The following RABGAP1L variants were observed in gnomAD, a reference collection of about 807,000 sequenced individuals.
RABGAP1L encodes RAB GTPase activating protein 1 like.
In RABGAP1L, 63 loss-of-function variants were observed where a neutral mutation model predicts 137.7. That is an observed-to-expected ratio of 0.46 (90% CI 0.37 to 0.56). The LOEUF (loss-of-function observed/expected upper bound fraction) is 0.56. RABGAP1L is among the 20% of genes least tolerant of loss of function. The pLI is 0.00. For missense variants in RABGAP1L, 1,095 were observed against 1,244.0 expected, an observed-to-expected ratio of 0.88 and a Z score of 1.80; for synonymous variants, 431 against 433.7, an observed-to-expected ratio of 0.99 and a Z score of 0.08.
intron 3 of RABGAP1L, among the ~76,000 whole-genome samples, chr1:174,222,965 G>C (rs967501312): frequency 6.6e-6 from 1 of 151,750 alleles, no homozygotes; most frequent in African/African-American, 2.4e-5. Context: ...GCAAAACCCC[G>C]TCTCTATTAA....
At chr1:174,938,737 G>A (rs954988246) in intron 19 of RABGAP1L, among the ~76,000 whole-genome samples, 2 of 152,182 alleles carry the variant, frequency 1.3e-5, no homozygotes, top group Non-Finnish European at 2.9e-5. Context: ...CAGTCAAACA[G>A]CTGCAATCTG....
intron 11 of RABGAP1L, among the ~76,000 whole-genome samples, chr1:174,360,440 T>G (rs992978054): frequency 1.3e-5 from 2 of 152,160 alleles, no homozygotes; most frequent in Non-Finnish European, 2.9e-5. Flanking sequence ...TTTAAAAAGA[T>G]CTGTATAGTC....
At chr1:174,377,762 T>C (rs113313919) in intron 12 of RABGAP1L, among the ~76,000 whole-genome samples, 14 of 150,894 alleles carry the variant, frequency 9.3e-5, no homozygotes, top group South Asian at 2.1e-4. Context: ...TGCAACTCTT[T>C]TTTTTTTTTT....
intron 19 of RABGAP1L, among the ~76,000 whole-genome samples, chr1:174,950,226 G>C (rs371248384): frequency 6.6e-6 from 1 of 152,140 alleles, no homozygotes; most frequent in East Asian, 1.9e-4. Context: ...CAAGAGAGAA[G>C]TATGTCCTTT....
intron 13 of RABGAP1L, among the ~76,000 whole-genome samples, chr1:174,573,247 GTATATATGTGTGACATATATACACAC>G (rs1431419495): frequency 6.6e-6 from 1 of 150,958 alleles, no homozygotes; most frequent in African/African-American, 2.4e-5. Context: ...ATGTATGTGT[GTATATATGTGTGACATATATACACAC>G]TATATATGTT....
intron 19 of RABGAP1L, among the ~76,000 whole-genome samples, chr1:174,868,928 G>C (rs942695540): frequency 6.6e-6 from 1 of 151,828 alleles, no homozygotes; most frequent in African/African-American, 2.4e-5. Flanking sequence ...GTTGTTTATG[G>C]AAAATTGGTA....
chr1:174,445,177 C>T (rs1367914038), intron 13 of RABGAP1L, among the ~76,000 whole-genome samples: 1 of 152,026 alleles, frequency 6.6e-6, no homozygotes, highest in Admixed American at 6.6e-5. Flanking sequence ...TATTTTAATT[C>T]TGACATAATT....
intron 10 of RABGAP1L, among the ~76,000 whole-genome samples, chr1:174,293,436 AAATG>A (rs1416615281): frequency 1.2e-4 from 19 of 152,352 alleles, no homozygotes; most frequent in African/African-American, 4.1e-4. Context: ...AAGCCTTTCT[AAATG>A]AATGAACATT....
intron 17 of RABGAP1L, among the ~76,000 whole-genome samples, chr1:174,713,626 A>C (rs1425156047): frequency 1.3e-5 from 2 of 152,182 alleles, no homozygotes; most frequent in African/African-American, 4.8e-5. Context: ...CCACTGTGAT[A>C]GTAAGCTTCC....
At chr1:174,478,433 G>T (rs1449099548) in intron 13 of RABGAP1L, among the ~76,000 whole-genome samples, 1 of 151,304 alleles carries the variant, frequency 6.6e-6, no homozygotes, top group Non-Finnish European at 1.5e-5. Context: ...GCTATGCCTG[G>T]CTAATTAAAA....
intron 13 of RABGAP1L, among the ~76,000 whole-genome samples, chr1:174,611,968 G>T (rs1449298619): frequency 6.6e-6 from 1 of 152,148 alleles, no homozygotes; most frequent in South Asian, 2.1e-4. Context: ...TGAGACATTG[G>T]GGTTTCTAGA....
At chr1:174,458,890 C>T (rs1375941711) in intron 13 of RABGAP1L, among the ~76,000 whole-genome samples, 1 of 151,874 alleles carries the variant, frequency 6.6e-6, no homozygotes, top group East Asian at 1.9e-4. Context: ...TGTAGTACTC[C>T]AATAGGCCGT....
intron 13 of RABGAP1L, among the ~76,000 whole-genome samples, chr1:174,518,370 A>T (rs964341390): frequency 6.6e-6 from 1 of 151,992 alleles, no homozygotes; most frequent in Non-Finnish European, 1.5e-5. Context: ...GTGTAGTATT[A>T]ACATGTAATC....
chr1:174,242,377 G>A (rs2148561643), intron 5 of RABGAP1L, among the ~76,000 whole-genome samples: 1 of 152,280 alleles, frequency 6.6e-6, no homozygotes, highest in African/African-American at 2.4e-5. Flanking sequence ...TAGACACTTA[G>A]TACTTAAAAC....
chr1:174,605,022 T>C (rs1670679165), intron 13 of RABGAP1L, among the ~76,000 whole-genome samples: 1 of 152,122 alleles, frequency 6.6e-6, no homozygotes, highest in African/African-American at 2.4e-5. Flanking sequence ...ATACCTGTAA[T>C]CCTAGCTTCT....
At chr1:174,762,692 C>T (rs768547234) in intron 18 of RABGAP1L, among the ~76,000 whole-genome samples, 1 of 151,930 alleles carries the variant, frequency 6.6e-6, no homozygotes, top group Non-Finnish European at 1.5e-5. Context: ...TTATTGACTA[C>T]TGACTTAGAG....
At position 174,448,792 on chromosome 1, in the gene RABGAP1L, C is replaced by T; in HGVS notation, c.1710+54647C>T. The T allele has an allele frequency of 6.2e-7, 1 of 1,613,974 alleles. No homozygotes were observed. ...TCTGCTTCACTTACTTCCACATTTT[C>T]AAAATTTGCCGTCAGCACACCAAAG... On this transcript the variant is annotated intron_variant, in intron 13 of 25. Transcript: ENST00000681986. The surrounding 1 kb of genome is among the most constrained non-coding windows in gnomAD (Gnocchi z 4.2).
chr1:174,947,205 T>C (rs1667020716), intron 19 of RABGAP1L, among the ~76,000 whole-genome samples: 1 of 127,836 alleles, frequency 7.8e-6, no homozygotes. Flanking sequence ...GCGTGTTTAA[T>C]TTTTTTCTTT....
At chr1:174,465,249 G>T (rs748639871) in intron 13 of RABGAP1L, among the ~76,000 whole-genome samples, 1 of 152,138 alleles carries the variant, frequency 6.6e-6, no homozygotes, top group South Asian at 2.1e-4. Context: ...ACCCAGGCTG[G>T]AGTGCAATGG....
Sources: gnomAD v4.1 joint callset for allele counts (sites outside exome capture counted in the v4.1 genomes callset) on GRCh38, gnomAD v4.1.1 for gene constraint, Gnocchi (gnomAD v3.1) non-coding constraint, MANE v1.5 for transcripts, NCBI Gene and HGNC (gene_info 2026-07-23, HGNC 2026-07-21) for gene names.